The following PXDNL variants were observed in gnomAD, a reference collection of about 807,000 sequenced individuals.
PXDNL encodes the protein peroxidasin like, also known as probable oxidoreductase PXDNL.
A neutral mutation model predicts 150.8 loss-of-function variants in PXDNL; 145 were observed. The observed-to-expected ratio is 0.96, with a 90% CI of 0.84 to 1.10. The LOEUF (loss-of-function observed/expected upper bound fraction) is 1.10. PXDNL is among the 50% of genes least tolerant of loss of function. The probability of loss-of-function intolerance (pLI) is 0.00; values close to 1 mark genes in which losing one functional copy is unlikely to be tolerated. For synonymous variants in PXDNL, 757 were observed against 725.7 expected (o/e 1.04, Z -0.69); for missense variants, 2,087 against 1,873.9 (o/e 1.11, Z -2.10).
intron 21 of PXDNL, among the ~76,000 whole-genome samples, chr8:51,328,051 T>C (rs1001429113): frequency 5.3e-5 from 8 of 152,196 alleles, no homozygotes; most frequent in Non-Finnish European, 1.2e-4. Context: ...GTAAAGCAGA[T>C]TGCCCTCCAT....
intron 1 of PXDNL, among the ~76,000 whole-genome samples, chr8:51,756,052 A>C (rs1443513002): frequency 6.6e-6 from 1 of 152,216 alleles, no homozygotes; most frequent in Non-Finnish European, 1.5e-5. Flanking sequence ...TAAATGTATC[A>C]TATACATGAG....
intron 12 of PXDNL, among the ~76,000 whole-genome samples, chr8:51,435,121 C>T (rs1809360438): frequency 6.6e-6 from 1 of 152,008 alleles, no homozygotes; most frequent in South Asian, 2.1e-4. Flanking sequence ...GATCGGAGAC[C>T]ATCCTGGCTA....
intron 1 of PXDNL, among the ~76,000 whole-genome samples, chr8:51,713,399 T>C (rs1816539758): frequency 6.6e-6 from 1 of 152,244 alleles, no homozygotes; most frequent in South Asian, 2.1e-4. Flanking sequence ...AGAATGATTA[T>C]ATAACTTGGC....
rs372581977 is a variant in PXDNL, at chr8:51,508,595, A to C, written c.381-8825T>G. On this transcript the variant is annotated intron_variant, in intron 4 of 22. Transcript: ENST00000356297. ...CTCTTTCCCCAGCCTCCTGGACTGG[A>C]GTGCCTGGGGCTGAGTCCTGAGGCT... is the stretch of plus-strand genomic sequence containing the variant. 3.9e-5 allele frequency among the ~76,000 whole-genome samples: 6 copies of C among 152,108 alleles called. No individual in the cohort carries two copies. In the East Asian group the frequency reaches 1.2e-3, roughly 29 times the overall value.
chr8:51,550,639 T>C (rs1043298352), intron 4 of PXDNL, among the ~76,000 whole-genome samples: 1 of 152,158 alleles, frequency 6.6e-6, no homozygotes, highest in Non-Finnish European at 1.5e-5. Flanking sequence ...GCATCCTTTA[T>C]GATTAAAACC....
At chr8:51,391,527 A>G (rs1411874173) in intron 17 of PXDNL, among the ~76,000 whole-genome samples, 3 of 152,196 alleles carry the variant, frequency 2.0e-5, no homozygotes, top group East Asian at 1.9e-4. Context: ...TTTTTTGGCT[A>G]CATAAATGTC....
chr8:51,533,854 G>A (rs1281352891), intron 4 of PXDNL, among the ~76,000 whole-genome samples: 33 of 150,354 alleles, frequency 2.2e-4, no homozygotes, highest in Non-Finnish European at 4.0e-4. Context: ...CCTCCCAGCC[G>A]CCTGCCTTGG....
intron 3 of PXDNL, among the ~76,000 whole-genome samples, chr8:51,583,347 A>C (rs1483107939): frequency 6.6e-6 from 1 of 152,140 alleles, no homozygotes; most frequent in Non-Finnish European, 1.5e-5. Context: ...GGAGAAAGGA[A>C]GCAAAAGCTT....
intron 19 of PXDNL, among the ~76,000 whole-genome samples, chr8:51,367,016 G>A (rs1246598620): frequency 1.4e-5 from 2 of 141,260 alleles, no homozygotes; most frequent in South Asian, 2.2e-4. Flanking sequence ...CAGGGGAATC[G>A]CTTAAACCTG....
rs1178111364 is a variant in PXDNL at position 51,483,697 on chromosome 8, T to C, written c.470A>G (p.Lys157Arg). ...GCTCCCAGCTGGAATTTTAGATAAT[T>C]TGTTGTTATGCAAAAATCTGAAAAA... The part of the protein sequence containing the change: ...RLERLFLHNN[K>R]LSKIPAGSFS... The change falls in exon 6 of 23, where the codon AAA (lysine) becomes AGA (arginine). Residue 157 changes from lysine (K) to arginine (R), a missense_variant. Coordinates refer to ENST00000356297, the MANE Select transcript of PXDNL (RefSeq NM_144651.5). 3.3e-6 allele frequency: 5 copies of C among 1,505,362 alleles called. No individual in the cohort carries two copies. The highest frequency in any genetic ancestry group is 1.8e-6 in the Non-Finnish European group (2 of 1,107,978). 93.3% of individuals were successfully genotyped at this position (1,505,362 alleles called of 1,614,324 possible).
intron 2 of PXDNL, among the ~76,000 whole-genome samples, chr8:51,621,363 T>C (rs1814247482): frequency 6.6e-6 from 1 of 152,158 alleles, no homozygotes; most frequent in Non-Finnish European, 1.5e-5. Flanking sequence ...TTGCCTGTTA[T>C]GTGTTGGTAT....
At chr8:51,390,736 CTTT>C (rs113916303) in intron 17 of PXDNL, among the ~76,000 whole-genome samples, 1 of 148,010 alleles carries the variant, frequency 6.8e-6, no homozygotes. Flanking sequence ...CACAGATTTT[CTTT>C]TTTTTTTATT....
chr8:51,590,611 T>C (rs916789410), intron 3 of PXDNL, among the ~76,000 whole-genome samples: 2 of 152,226 alleles, frequency 1.3e-5, no homozygotes, highest in African/African-American at 2.4e-5. Context: ...CCCTATTAGA[T>C]TTTGGATTAA....
At chr8:51,618,070 G>A (rs1814167326) in intron 2 of PXDNL, among the ~76,000 whole-genome samples, 1 of 152,226 alleles carries the variant, frequency 6.6e-6, no homozygotes, top group South Asian at 2.1e-4. Flanking sequence ...CAGCTCCCTG[G>A]TGAGTCATTG....
intron 4 of PXDNL, among the ~76,000 whole-genome samples, chr8:51,546,965 C>T (rs528855660): frequency 2.3e-4 from 35 of 152,212 alleles, no homozygotes; most frequent in Non-Finnish European, 3.2e-4. Flanking sequence ...AAGAACCACC[C>T]GCTCAATCCC....
intron 4 of PXDNL, among the ~76,000 whole-genome samples, chr8:51,549,398 G>A (rs2130514282): frequency 6.6e-6 from 1 of 152,006 alleles, no homozygotes; most frequent in South Asian, 2.1e-4. Flanking sequence ...ATCAGAACAT[G>A]GAACATTCTC....
At chr8:51,770,827 T>C (rs943576226) in intron 1 of PXDNL, among the ~76,000 whole-genome samples, 5 of 152,324 alleles carry the variant, frequency 3.3e-5, no homozygotes, top group South Asian at 2.1e-4. Context: ...CTCTCAATGA[T>C]GGATGGAGCC....
chr8:51,341,121 G>C (rs1805973605), intron 20 of PXDNL, among the ~76,000 whole-genome samples: 1 of 152,208 alleles, frequency 6.6e-6, no homozygotes, highest in South Asian at 2.1e-4. Context: ...GTAGATGGGT[G>C]CAGGATGTGA....
chr8:51,447,056 G>A lies in PXDNL; in HGVS notation c.1473C>T (p.Val491=). The A allele has an allele frequency of 1.2e-6, 2 of 1,613,958 alleles. No individual in the cohort carries two copies. Among genetic ancestry groups the A allele is most frequent in the Non-Finnish European group, 1.7e-6 (2 of 1,179,896 alleles). Residue 491 remains valine (V), a synonymous_variant, in exon 12 of 23, where the codon GTC becomes GTT. Transcript: ENST00000356297. The part of the protein sequence containing the change: ...HDQGQYECQA[V]SSLGVKKVSV... The stretch of plus-strand genomic sequence containing the variant: ...ACACCTTTTTCACCCCCAACGAACT[G>A]ACTGCTTGACATTCATATTGGCCTT...
Sources: allele counts gnomAD v4.1 joint callset (sites outside exome capture counted in the v4.1 genomes callset), GRCh38; gene constraint gnomAD v4.1.1; transcripts MANE v1.5; gene names NCBI Gene and HGNC (gene_info 2026-07-23, HGNC 2026-07-21).